PRKAR2B: variants seen among roughly 807,000 people sequenced by gnomAD.
PRKAR2B encodes cAMP-dependent protein kinase type II-beta regulatory subunit.
A neutral mutation model predicts 49.9 loss-of-function variants in PRKAR2B; 14 were observed. The observed-to-expected ratio is 0.28, with a 90% CI of 0.19 to 0.44. The LOEUF is 0.44. Ranked by LOEUF, PRKAR2B falls within the 20% of genes least tolerant of loss-of-function variation. The probability of loss-of-function intolerance (pLI) is 1.00; values close to 1 mark genes in which losing one functional copy is unlikely to be tolerated. For synonymous variants in PRKAR2B, 196 were observed against 197.7 expected (o/e 0.99, Z 0.07); for missense variants, 393 against 537.9 (o/e 0.73, Z 2.67).
chr7:107,061,822 G>A (rs1444243482), intron 1 of PRKAR2B, among the ~76,000 whole-genome samples: 1 of 152,104 alleles, frequency 6.6e-6, no homozygotes, highest in African/African-American at 2.4e-5. Context: ...GGTTGAACCG[G>A]GATGGCGAAG....
At chr7:107,054,665 C>A (rs1489768977) in intron 1 of PRKAR2B, among the ~76,000 whole-genome samples, 1 of 152,010 alleles carries the variant, frequency 6.6e-6, no homozygotes, top group South Asian at 2.1e-4. Flanking sequence ...AGGAATATAC[C>A]CTCTCTTTCT....
intron 2 of PRKAR2B, among the ~76,000 whole-genome samples, chr7:107,109,254 T>G (rs961444702): frequency 6.6e-6 from 1 of 151,984 alleles, no homozygotes; most frequent in African/African-American, 2.4e-5. Flanking sequence ...AGTTTTTGTT[T>G]TTGTTTTCAT....
rs1362459472 is a variant in PRKAR2B, at chr7:107,159,640, C to G, written c.*58C>G. The G allele has an allele frequency of 6.4e-7, 1 of 1,563,856 alleles. No individual in the cohort carries two copies. The highest frequency in any genetic ancestry group is 1.4e-5 in the African/African-American group (1 of 73,780). ...AAATTACACAGTAGTGGTTAGTCCA[C>G]TGAGAATGTGTTTGTGTAGATGCCA... On this transcript the variant is annotated 3_prime_UTR_variant, in exon 11 of 11. Coordinates refer to ENST00000265717, the MANE Select transcript of PRKAR2B (RefSeq NM_002736.3).
intron 8 of PRKAR2B, among the ~76,000 whole-genome samples, chr7:107,154,033 A>G (rs573137801): frequency 7.2e-5 from 11 of 152,122 alleles, no homozygotes; most frequent in Non-Finnish European, 1.5e-4. Flanking sequence ...TAGAAGACAA[A>G]TACATAAGTA....
chr7:107,076,485 G>A (rs1198024314), intron 2 of PRKAR2B, among the ~76,000 whole-genome samples: 1 of 152,114 alleles, frequency 6.6e-6, no homozygotes, highest in Non-Finnish European at 1.5e-5. Flanking sequence ...CCATAAGACA[G>A]TTCCCTATAC....
chr7:107,158,210 G>A (rs773253046), intron 10 of PRKAR2B, among the ~76,000 whole-genome samples: 1 of 151,882 alleles, frequency 6.6e-6, no homozygotes, highest in Non-Finnish European at 1.5e-5. Flanking sequence ...TAGTAAAGGT[G>A]AGTGAGTGAA....
At chr7:107,126,447 G>T (rs145753201) in intron 3 of PRKAR2B, among the ~76,000 whole-genome samples, 1,785 of 130,992 alleles carry the variant, frequency 0.014, 15 homozygotes, top group Non-Finnish European at 0.02. Flanking sequence ...AAAAAAAGTC[G>T]TCATTGGTAC....
intron 8 of PRKAR2B, among the ~76,000 whole-genome samples, chr7:107,155,332 C>G (rs967702143): frequency 7.9e-5 from 12 of 152,114 alleles, no homozygotes; most frequent in African/African-American, 2.7e-4. Context: ...GCAGGTAGAT[C>G]ACTTCAAGGT....
chr7:107,056,137 A>G (rs539875345), intron 1 of PRKAR2B, among the ~76,000 whole-genome samples: 2 of 152,084 alleles, frequency 1.3e-5, no homozygotes, highest in East Asian at 3.9e-4. Flanking sequence ...GATATGCGGC[A>G]TTGTTTCTGA....
At chr7:107,117,315 C>A (rs1010302536) in intron 2 of PRKAR2B, among the ~76,000 whole-genome samples, 3 of 151,918 alleles carry the variant, frequency 2.0e-5, no homozygotes, top group Admixed American at 2.0e-4. Context: ...ATTTAATACA[C>A]CTGTGCTTTT....
chr7:107,065,504 G>A (rs1461504462), intron 1 of PRKAR2B, among the ~76,000 whole-genome samples: 1 of 151,970 alleles, frequency 6.6e-6, no homozygotes, highest in Non-Finnish European at 1.5e-5. Context: ...ATTATCTTAG[G>A]TTTTTTAGTC....
Position 107,140,927 on chromosome 7 carries a change from T to A in PRKAR2B, c.561T>A (p.Asp187Glu). 1 of 1,612,798 alleles carries A rather than the reference T, an allele frequency of 6.2e-7. No homozygotes were observed. The highest frequency in any genetic ancestry group is 8.5e-7 in the Non-Finnish European group (1 of 1,179,398). The change falls in exon 5 of 11, where the codon GAT (aspartate) becomes GAA (glutamate). Residue 187 changes from aspartate (D) to glutamate (E), a missense_variant. By Grantham distance (45) the Asp-to-Glu change is conservative. Around this residue, in one of 2 missense-constraint regions of PRKAR2B, gnomAD observed 233 missense variants for 390.4 expected, o/e 0.60. Coordinates refer to ENST00000265717, the MANE Select transcript of PRKAR2B (RefSeq NM_002736.3). ...DGEHVIDQGDDGDNFYVIDRG... is the reference protein window; with the variant it reads ...DGEHVIDQGDEGDNFYVIDRG... Reference sequence around the variant, plus strand: ...AGCATGTAATTGATCAAGGTGACGATGGTGACAACTTTTATGTAATTGATA... The same window carrying A: ...AGCATGTAATTGATCAAGGTGACGAAGGTGACAACTTTTATGTAATTGATA...
chr7:107,114,324 C>CTGTGTGTGTGTG (rs58110858), intron 2 of PRKAR2B, among the ~76,000 whole-genome samples: 44 of 130,940 alleles, frequency 3.4e-4, no homozygotes, highest in African/African-American at 1.1e-3. Flanking sequence ...GCATGTACAG[C>CTGTGTGTGTGTG]TGTGTGTGTG....
intron 2 of PRKAR2B, among the ~76,000 whole-genome samples, chr7:107,099,136 A>T (rs1044500810): frequency 6.6e-6 from 1 of 152,214 alleles, no homozygotes. Flanking sequence ...AGAGGCAGGC[A>T]GGCCTCCTTG....
intron 2 of PRKAR2B, among the ~76,000 whole-genome samples, chr7:107,097,693 A>G (rs538562442): frequency 0.12 from 18,708 of 151,972 alleles, 1,347 homozygotes; most frequent in African/African-American, 0.2. Flanking sequence ...GAGCTCTTTT[A>G]GGGCAGGCCT....
At chr7:107,047,012 A>G (rs1008747076) in intron 1 of PRKAR2B, among the ~76,000 whole-genome samples, 1 of 152,232 alleles carries the variant, frequency 6.6e-6, no homozygotes, top group Non-Finnish European at 1.5e-5. Flanking sequence ...TAACTTCTGA[A>G]CAGCAGGGGT....
chr7:107,156,232 A>G (rs959634929), intron 8 of PRKAR2B, among the ~76,000 whole-genome samples: 4 of 152,100 alleles, frequency 2.6e-5, no homozygotes, highest in Non-Finnish European at 5.9e-5. Context: ...ACAAACCTGC[A>G]TGTTCTCCAC....
chr7:107,122,932 T>G (rs1204446060), intron 3 of PRKAR2B, among the ~76,000 whole-genome samples: 1 of 152,190 alleles, frequency 6.6e-6, no homozygotes, highest in African/African-American at 2.4e-5. Flanking sequence ...CTTCAGTTCT[T>G]TTCATGAAGT....
chr7:107,119,099 A>G (rs1795342369), intron 2 of PRKAR2B, among the ~76,000 whole-genome samples: 1 of 152,188 alleles, frequency 6.6e-6, no homozygotes, highest in African/African-American at 2.4e-5. Context: ...GTAGATTCTT[A>G]CTCCAGATGA....
Sources: gnomAD v4.1 joint callset for allele counts (sites outside exome capture counted in the v4.1 genomes callset) on GRCh38, gnomAD v4.1.1 for gene constraint, gnomAD v4.1.1 regional missense constraint, MANE v1.5 for transcripts, NCBI Gene and HGNC (gene_info 2026-07-23, HGNC 2026-07-21) for gene names.